GNB4: variants seen among roughly 807,000 people sequenced by gnomAD.
GNB4 encodes guanine nucleotide-binding protein subunit beta-4.
GNB4 carries 28 observed loss-of-function variants against 45.2 expected under a neutral mutation model. The observed-to-expected ratio is 0.62, with a 90% CI of 0.46 to 0.85. GNB4 has a LOEUF of 0.85. Ranked by LOEUF, GNB4 falls within the 40% of genes least tolerant of loss-of-function variation. The pLI, the probability that GNB4 is intolerant of heterozygous loss-of-function variation, is 0.00. For missense variants in GNB4, 321 were observed against 425.4 expected, an observed-to-expected ratio of 0.75 and a Z score of 2.16; for synonymous variants, 132 against 143.7, an observed-to-expected ratio of 0.92 and a Z score of 0.58.
At chr3:179,463,605 TAC>T in the GNB4 span, among the ~76,000 whole-genome samples, 1 of 152,220 alleles carries the variant, frequency 6.6e-6, no homozygotes, top group Non-Finnish European at 1.5e-5. Flanking sequence ...CTAAGATTTG[TAC>T]CCACGTGTTG....
upstream of GNB4, among the ~76,000 whole-genome samples, chr3:179,455,726 A>G (rs1158409175): frequency 1.3e-5 from 2 of 152,246 alleles, no homozygotes; most frequent in East Asian, 3.8e-4. Context: ...GGATTAGGAC[A>G]ACAACAATTA....
chr3:179,431,523 C>T (rs1715308287), intron 1 of GNB4, among the ~76,000 whole-genome samples: 1 of 146,584 alleles, frequency 6.8e-6, no homozygotes, highest in Non-Finnish European at 1.5e-5. Flanking sequence ...TGCGCCACTG[C>T]ACTCCAGCCT....
upstream of GNB4, among the ~76,000 whole-genome samples, chr3:179,454,095 G>A (rs1173777926): frequency 6.6e-6 from 1 of 152,206 alleles, no homozygotes; most frequent in Non-Finnish European, 1.5e-5. Flanking sequence ...ATGCCTGCTG[G>A]TTTGTGTAGA....
upstream of GNB4, among the ~76,000 whole-genome samples, chr3:179,454,033 C>G (rs1015207453): frequency 5.9e-5 from 9 of 152,106 alleles, no homozygotes; most frequent in South Asian, 1.7e-3. Context: ...AAGAGAGAGA[C>G]TGGGAAGGGA....
intron 8 of GNB4, among the ~76,000 whole-genome samples, chr3:179,412,584 A>G (rs1461972631): frequency 6.6e-6 from 1 of 152,188 alleles, no homozygotes; most frequent in Non-Finnish European, 1.5e-5. Context: ...CCTATTTTAA[A>G]AACTGAAGAA....
At chr3:179,505,213 A>G in the GNB4 span, among the ~76,000 whole-genome samples, 4 of 152,338 alleles carry the variant, frequency 2.6e-5, no homozygotes, top group African/African-American at 9.6e-5. Context: ...TAGAACAAGT[A>G]GAGGAAAGCA....
At chr3:179,415,380 G>T (rs914936356) in intron 5 of GNB4, among the ~76,000 whole-genome samples, 2 of 152,296 alleles carry the variant, frequency 1.3e-5, no homozygotes, top group African/African-American at 2.4e-5. Context: ...GGTTTTAATA[G>T]AATTTTCACT....
the GNB4 span, among the ~76,000 whole-genome samples, chr3:179,506,779 TTCTC>T: frequency 1.3e-5 from 2 of 152,156 alleles, no homozygotes; most frequent in African/African-American, 4.8e-5. Flanking sequence ...TCCTTTGTTA[TTCTC>T]TCTCTCATTT....
In GNB4 at chr3:179,398,598, T is replaced by C. The variant is rs1248596687; in HGVS notation, c.*2615A>G. On this transcript the variant is annotated 3_prime_UTR_variant, in exon 10 of 10. Transcript: ENST00000232564. ...TTTTTAAAAACTAAATCCAGCCAGA[T>C]TTTTCAGCCTTAAAAACTAAGATCC... The C allele has an allele frequency of 6.6e-6, 1 of 151,950 alleles. No homozygotes were observed. The highest frequency in any genetic ancestry group is 1.5e-5 in the Non-Finnish European group (1 of 68,014). The allele number at this position is 151,950 out of a possible 1,614,324, so 9.4% of individuals were successfully genotyped here. A position where few individuals can be genotyped will look rare whatever the true frequency, so the allele number is the denominator to read the frequency against.
chr3:179,474,288 G>A, the GNB4 span, among the ~76,000 whole-genome samples: 3 of 151,860 alleles, frequency 2.0e-5, no homozygotes, highest in Non-Finnish European at 2.9e-5. Flanking sequence ...GCAGTAGCAC[G>A]TCTCAGCTCA....
chr3:179,442,915 C>A (rs549148039), intron 1 of GNB4, among the ~76,000 whole-genome samples: 1 of 152,282 alleles, frequency 6.6e-6, no homozygotes, highest in East Asian at 1.9e-4. Context: ...AAGGTGTGAT[C>A]CACCATACCC....
chr3:179,426,004 TCTTA>T (rs1715136756), intron 2 of GNB4, 136 bp downstream of exon 2: 3 of 655,146 alleles, frequency 4.6e-6, no homozygotes, highest in South Asian at 1.9e-5. Context: ...AGACCTCAGT[TCTTA>T]CTTCGCCATG....
the GNB4 span, among the ~76,000 whole-genome samples, chr3:179,517,808 A>G: frequency 1.3e-5 from 2 of 152,312 alleles, no homozygotes; most frequent in East Asian, 1.9e-4. Flanking sequence ...TGGCACCGGT[A>G]ACGGACTCGG....
the GNB4 span, among the ~76,000 whole-genome samples, chr3:179,485,464 A>G: frequency 1.3e-5 from 2 of 152,136 alleles, no homozygotes; most frequent in Admixed American, 6.5e-5. Flanking sequence ...TCTTTTGCCT[A>G]TTTCCATTTG....
At chr3:179,441,995 CAG>C (rs1467056173) in intron 1 of GNB4, among the ~76,000 whole-genome samples, 1 of 152,008 alleles carries the variant, frequency 6.6e-6, no homozygotes, top group Non-Finnish European at 1.5e-5. Context: ...TTAGTAAAGA[CAG>C]GGTTTCACCA....
intron 1 of GNB4, among the ~76,000 whole-genome samples, chr3:179,430,083 C>G (rs936306611): frequency 3.3e-4 from 49 of 148,016 alleles, no homozygotes; most frequent in African/African-American, 7.2e-4. Flanking sequence ...GACAGACAGA[C>G]AGACAGACAG....
At chr3:179,424,159 C>T (rs566272502) in intron 2 of GNB4, among the ~76,000 whole-genome samples, 1 of 152,362 alleles carries the variant, frequency 6.6e-6, no homozygotes, top group South Asian at 2.1e-4. Context: ...TTTAATCTCA[C>T]TGAGCCTCAG....
chr3:179,477,223 G>A, the GNB4 span, among the ~76,000 whole-genome samples: 5 of 152,072 alleles, frequency 3.3e-5, no homozygotes, highest in Non-Finnish European at 7.4e-5. Context: ...TCTTTACAAG[G>A]TCAGCCTGAA....
At chr3:179,480,812 A>G in the GNB4 span, among the ~76,000 whole-genome samples, 1 of 151,934 alleles carries the variant, frequency 6.6e-6, no homozygotes, top group Non-Finnish European at 1.5e-5. Flanking sequence ...ATTTGCTAAA[A>G]TAATTAGGAC....
Sources: allele counts gnomAD v4.1 joint callset (sites outside exome capture counted in the v4.1 genomes callset), GRCh38; gene constraint gnomAD v4.1.1; transcripts MANE v1.5; gene names NCBI Gene and HGNC (gene_info 2026-07-23, HGNC 2026-07-21).